PLCXD3: variants seen among roughly 807,000 people sequenced by gnomAD.
The protein encoded by PLCXD3 is phosphatidylinositol specific phospholipase C X domain containing 3.
Under a neutral mutation model 25.5 loss-of-function variants are expected in PLCXD3, and 19 were observed. That is an observed-to-expected ratio of 0.75 (90% CI 0.52 to 1.09). PLCXD3 has a LOEUF of 1.09. PLCXD3 is among the 50% of genes least tolerant of loss of function. The pLI is 0.00. For synonymous variants in PLCXD3, 174 were observed against 137.6 expected (o/e 1.26, Z -1.85); for missense variants, 411 against 388.1 (o/e 1.06, Z -0.50).
chr5:41,316,879 A>T (rs1743313014), intron 2 of PLCXD3, among the ~76,000 whole-genome samples: 5 of 151,824 alleles, frequency 3.3e-5, no homozygotes, highest in Admixed American at 3.3e-4. Flanking sequence ...TTTTGGCTCT[A>T]CTCCCTGACT....
rs373244601 is a variant in PLCXD3 at position 41,428,374 on chromosome 5, G to GTTTT, written c.104-45844_104-45841dup. Among the ~76,000 whole-genome samples, 32 of 91,624 alleles carry GTTTT rather than the reference G, an allele frequency of 3.5e-4. 7 individuals are homozygous for GTTTT. The highest frequency in any genetic ancestry group is 3.8e-4 in the South Asian group (1 of 2,604). 60.1% of individuals were successfully genotyped at this position (91,624 alleles called of 152,430 possible). On this transcript the variant is annotated intron_variant, in intron 1 of 2. Transcript: ENST00000377801. Reference sequence around the variant, plus strand: ...TAAAGAGGTGATTAAGTTAAAATGAGTTTTTTTGTTTTTGTTTTTGTTTTT... The same window carrying GTTTT: ...TAAAGAGGTGATTAAGTTAAAATGAGTTTTTTTTTTTGTTTTTGTTTTTGTTTTT...
chr5:41,435,629 G>T (rs1190655485), intron 1 of PLCXD3, among the ~76,000 whole-genome samples: 1 of 152,212 alleles, frequency 6.6e-6, no homozygotes, highest in Non-Finnish European at 1.5e-5. Flanking sequence ...AATGGGGGTA[G>T]TGGAAAACAG....
At chr5:41,480,363 T>A (rs1748377990) in intron 1 of PLCXD3, among the ~76,000 whole-genome samples, 1 of 152,064 alleles carries the variant, frequency 6.6e-6, no homozygotes, top group South Asian at 2.1e-4. Context: ...ACTTGGGTAC[T>A]TGTGCAGCTC....
intron 1 of PLCXD3, among the ~76,000 whole-genome samples, chr5:41,492,718 C>T (rs551879992): frequency 3.9e-5 from 6 of 152,294 alleles, no homozygotes; most frequent in Admixed American, 1.3e-4. Context: ...TCCAGTTGAC[C>T]GCATCAGCTC....
chr5:41,336,637 T>A (rs938070383), intron 2 of PLCXD3, among the ~76,000 whole-genome samples: 3 of 152,150 alleles, frequency 2.0e-5, no homozygotes, highest in Non-Finnish European at 2.9e-5. Context: ...AATTCCCAAC[T>A]AAGTTTCTGT....
chr5:41,308,172 C>T lies in PLCXD3; in HGVS notation c.*5445G>A, dbSNP rs1315055665. The T allele has an allele frequency of 6.6e-6, 1 of 150,944 alleles. No individual in the cohort carries two copies. The highest frequency in any genetic ancestry group is 6.6e-5 in the Admixed American group (1 of 15,148). 9.4% of individuals were successfully genotyped at this position (150,944 alleles called of 1,614,324 possible). A position where few individuals can be genotyped will look rare whatever the true frequency, so the allele number is the denominator to read the frequency against. On this transcript the variant is annotated 3_prime_UTR_variant, in exon 3 of 3. Coordinates refer to ENST00000377801, the MANE Select transcript of PLCXD3 (RefSeq NM_001005473.3). The stretch of plus-strand genomic sequence containing the variant: ...GGTATGGAGGGAGGTAGATCTCGCC[C>T]CTTATAGATAGCCCAGCTGAAAAAG...
chr5:41,322,789 A>T (rs1200795637), intron 2 of PLCXD3, among the ~76,000 whole-genome samples: 1 of 148,352 alleles, frequency 6.7e-6, no homozygotes, highest in Admixed American at 6.8e-5. Context: ...ATCCTGGCCA[A>T]CATGGTGAAA....
At chr5:41,454,483 T>C (rs1418146752) in intron 1 of PLCXD3, among the ~76,000 whole-genome samples, 1 of 151,970 alleles carries the variant, frequency 6.6e-6, no homozygotes, top group Non-Finnish European at 1.5e-5. Flanking sequence ...ATAAGAGTGC[T>C]AATCCCATTC....
rs1175789200 is a variant in PLCXD3, at chr5:41,510,585, G to A, written c.-59C>T. The A allele has an allele frequency of 5.1e-6, 7 of 1,362,578 alleles. No individual in the cohort carries two copies. In the African/African-American group the frequency reaches 1.0e-4, roughly 20 times the overall value. 84.4% of individuals were successfully genotyped at this position (1,362,578 alleles called of 1,614,324 possible). A position where few individuals can be genotyped will look rare whatever the true frequency, so the allele number is the denominator to read the frequency against. On this transcript the variant is annotated 5_prime_UTR_variant, in exon 1 of 3. Transcript: ENST00000377801. ...CACTCCTCGGGCAGGCTGGCAGGCTGCTGCCGCTAATCCAATGTTTGCTCT... is the reference window on the plus strand; with the variant it reads ...CACTCCTCGGGCAGGCTGGCAGGCTACTGCCGCTAATCCAATGTTTGCTCT...
At chr5:41,380,999 G>A (rs1369085849) in intron 2 of PLCXD3, among the ~76,000 whole-genome samples, 6 of 152,132 alleles carry the variant, frequency 3.9e-5, no homozygotes, top group East Asian at 1.9e-4. Context: ...ATAAGGCTGC[G>A]TATGTAGTAT....
intron 2 of PLCXD3, among the ~76,000 whole-genome samples, chr5:41,323,652 AC>A (rs1743541575): frequency 6.6e-6 from 1 of 150,380 alleles, no homozygotes. Flanking sequence ...GGCAGAAATC[AC>A]AATTAGATGC....
chr5:41,441,188 C>G (rs112693647), intron 1 of PLCXD3, among the ~76,000 whole-genome samples: 4,469 of 152,198 alleles, frequency 0.029, 74 homozygotes, highest in Non-Finnish European at 0.037. Flanking sequence ...GACAGCAAAC[C>G]TGAAAATACA....
chr5:41,509,457 G>T (rs895006387), intron 1 of PLCXD3, among the ~76,000 whole-genome samples: 1 of 152,140 alleles, frequency 6.6e-6, no homozygotes, highest in African/African-American at 2.4e-5. Context: ...CCTGATCTAG[G>T]GGGTTGTTAG....
chr5:41,435,507 C>G (rs561927073), intron 1 of PLCXD3, among the ~76,000 whole-genome samples: 1 of 152,172 alleles, frequency 6.6e-6, no homozygotes, highest in Non-Finnish European at 1.5e-5. Flanking sequence ...ATGTGGTGCA[C>G]AGTGCACTGG....
chr5:41,452,833 C>T (rs1015650121), intron 1 of PLCXD3, among the ~76,000 whole-genome samples: 12 of 151,962 alleles, frequency 7.9e-5, no homozygotes, highest in South Asian at 2.1e-4. Context: ...GTCTCAAAAA[C>T]GGTACCACAT....
chr5:41,358,576 T>C (rs960909688), intron 2 of PLCXD3, among the ~76,000 whole-genome samples: 1 of 152,258 alleles, frequency 6.6e-6, no homozygotes, highest in African/African-American at 2.4e-5. Context: ...ATTCCTGGGT[T>C]ACTTCACTTT....
chr5:41,462,211 G>A (rs1460058545), intron 1 of PLCXD3, among the ~76,000 whole-genome samples: 1 of 151,974 alleles, frequency 6.6e-6, no homozygotes. Flanking sequence ...GAAATCCAGG[G>A]TCATTTTATC....
intron 2 of PLCXD3, among the ~76,000 whole-genome samples, chr5:41,360,495 G>A (rs1000180893): frequency 2.0e-5 from 3 of 152,278 alleles, no homozygotes; most frequent in Middle Eastern, 6.8e-3. Flanking sequence ...CTATGTCAGA[G>A]GGAAGACTTG....
intron 1 of PLCXD3, among the ~76,000 whole-genome samples, chr5:41,440,110 C>G (rs766643257): frequency 6.6e-6 from 1 of 151,608 alleles, no homozygotes; most frequent in Non-Finnish European, 1.5e-5. Context: ...GAATAAGTCC[C>G]TAGATTCAGG....
Sources: allele counts gnomAD v4.1 joint callset (sites outside exome capture counted in the v4.1 genomes callset), GRCh38; gene constraint gnomAD v4.1.1; transcripts MANE v1.5; gene names NCBI Gene and HGNC (gene_info 2026-07-23, HGNC 2026-07-21).